Variants in GNA12 observed in about 807,000 individuals in gnomAD.
GNA12 encodes guanine nucleotide-binding protein subunit alpha-12.
Under a neutral mutation model 26.0 loss-of-function variants are expected in GNA12, and 9 were observed. That is an observed-to-expected ratio of 0.35 (90% CI 0.21 to 0.60). GNA12 has a LOEUF of 0.60. Ranked by LOEUF, GNA12 falls within the 20% of genes least tolerant of loss-of-function variation. GNA12 has a pLI of 0.78. For synonymous variants in GNA12, 264 were observed against 219.6 expected (o/e 1.20, Z -1.79); for missense variants, 405 against 525.8 (o/e 0.77, Z 2.25).
At chr7:2,790,697 G>A (rs558253167) in intron 2 of GNA12, among the ~76,000 whole-genome samples, 1 of 152,348 alleles carries the variant, frequency 6.6e-6, no homozygotes, top group East Asian at 1.9e-4. Context: ...GGCTGGGCCT[G>A]GTGGTATGCA....
chr7:2,828,617 G>T (rs1793535523), intron 1 of GNA12, among the ~76,000 whole-genome samples: 2 of 152,220 alleles, frequency 1.3e-5, no homozygotes, highest in Non-Finnish European at 2.9e-5. Context: ...TCTAGCTCCT[G>T]TTACCTTAGG....
chr7:2,750,934 T>G (rs566054915), intron 2 of GNA12, among the ~76,000 whole-genome samples: 1 of 152,168 alleles, frequency 6.6e-6, no homozygotes, highest in East Asian at 1.9e-4. Context: ...GCGAGAGATA[T>G]GCACACTCCA....
At chr7:2,739,106 G>C (rs1156675034) in intron 2 of GNA12, among the ~76,000 whole-genome samples, 3 of 152,186 alleles carry the variant, frequency 2.0e-5, no homozygotes, top group African/African-American at 4.8e-5. Flanking sequence ...GCTGTCACAG[G>C]GGTGCCACGC....
chr7:2,809,876 C>T (rs1793038089), intron 1 of GNA12, among the ~76,000 whole-genome samples: 1 of 152,050 alleles, frequency 6.6e-6, no homozygotes, highest in South Asian at 2.1e-4. Context: ...ATAAATATTA[C>T]TTTGTAATAA....
At chr7:2,774,944 A>G (rs577859848) in intron 2 of GNA12, among the ~76,000 whole-genome samples, 2 of 152,334 alleles carry the variant, frequency 1.3e-5, no homozygotes, top group South Asian at 2.1e-4. Flanking sequence ...AATATTCTCA[A>G]AAGAGTATGA....
intron 2 of GNA12, among the ~76,000 whole-genome samples, chr7:2,740,343 T>G (rs753781191): frequency 3.3e-4 from 50 of 152,154 alleles, no homozygotes; most frequent in Non-Finnish European, 6.9e-4. Flanking sequence ...GACCTCATGA[T>G]ACGATAGTGC....
chr7:2,733,129 A>T (rs533856749), intron 3 of GNA12, among the ~76,000 whole-genome samples: 1 of 152,306 alleles, frequency 6.6e-6, no homozygotes, highest in East Asian at 1.9e-4. Flanking sequence ...GATAACTGCC[A>T]TGCCTGGGGT....
chr7:2,816,178 G>T (rs1015845564), intron 1 of GNA12, among the ~76,000 whole-genome samples: 3 of 151,856 alleles, frequency 2.0e-5, no homozygotes, highest in African/African-American at 4.8e-5. Context: ...ACGGTGGAAA[G>T]AAGTAAACCA....
chr7:2,762,981 C>T (rs1257121904), intron 2 of GNA12: 1 of 1,341,606 alleles, frequency 7.5e-7, no homozygotes. Flanking sequence ...TCAGAAAGAG[C>T]CCTTGTGTGC....
chr7:2,801,706 TA>T (rs895190941), intron 1 of GNA12, among the ~76,000 whole-genome samples: 40 of 148,378 alleles, frequency 2.7e-4, no homozygotes, highest in Admixed American at 1.3e-3. Context: ...AAAAAGGCAT[TA>T]AAAAAAAAAG....
intron 1 of GNA12, among the ~76,000 whole-genome samples, chr7:2,842,105 AGGAAG>A (rs74208097): frequency 1.7e-4 from 24 of 140,276 alleles, no homozygotes; most frequent in Non-Finnish European, 2.4e-4. Context: ...AAGGAAAGGA[AGGAAG>A]GGAAGGGAGG....
chr7:2,795,243 A>C, intron 1 of GNA12, 100 bp from the exon 2 acceptor site: 1 of 851,480 alleles, frequency 1.2e-6, no homozygotes. Flanking sequence ...AACGCAGAAA[A>C]CTCACAAGCT....
chr7:2,750,197 C>T (rs1366315549), intron 2 of GNA12, among the ~76,000 whole-genome samples: 3 of 152,152 alleles, frequency 2.0e-5, no homozygotes, highest in Admixed American at 6.5e-5. Context: ...CTCACAGCAG[C>T]GACACCGGCA....
chr7:2,820,488 C>T (rs1465159734), intron 1 of GNA12, among the ~76,000 whole-genome samples: 2 of 145,820 alleles, frequency 1.4e-5, no homozygotes, highest in East Asian at 2.0e-4. Context: ...GTGAGAGGAT[C>T]GCTTGAAACT....
At chr7:2,840,023 T>C (rs1160573166) in intron 1 of GNA12, among the ~76,000 whole-genome samples, 1 of 152,128 alleles carries the variant, frequency 6.6e-6, no homozygotes. Flanking sequence ...GATTATTCAC[T>C]GCCAGGGTCT....
At chr7:2,743,666 C>A (rs573585782) in intron 2 of GNA12, among the ~76,000 whole-genome samples, 2 of 152,168 alleles carry the variant, frequency 1.3e-5, no homozygotes, top group African/African-American at 4.8e-5. Flanking sequence ...GTTCATCTCA[C>A]TGGGGTGTGC....
intron 2 of GNA12, among the ~76,000 whole-genome samples, chr7:2,754,495 C>T (rs149708629): frequency 1.3e-3 from 201 of 152,030 alleles, no homozygotes; most frequent in African/African-American, 4.6e-3. Flanking sequence ...GTAATCCCAG[C>T]ACTTTGGGAG....
chr7:2,798,424 A>G (rs1792731080), intron 1 of GNA12, among the ~76,000 whole-genome samples: 1 of 152,236 alleles, frequency 6.6e-6, no homozygotes, highest in African/African-American at 2.4e-5. Flanking sequence ...AAGATGTACT[A>G]CTACTAACTA....
chr7:2,784,905 G>A (rs553740421), intron 2 of GNA12, among the ~76,000 whole-genome samples: 2 of 152,176 alleles, frequency 1.3e-5, no homozygotes, highest in East Asian at 3.9e-4. Context: ...TAGGGTTTCT[G>A]GTCTTGCTGT....
Sources: gnomAD v4.1 joint callset for allele counts (sites outside exome capture counted in the v4.1 genomes callset) on GRCh38, gnomAD v4.1.1 for gene constraint, MANE v1.5 for transcripts, NCBI Gene and HGNC (gene_info 2026-07-23, HGNC 2026-07-21) for gene names.